C19orf38: variants seen among roughly 807,000 people sequenced by gnomAD.
C19orf38 encodes protein HIDE1.
C19orf38 carries 14 observed loss-of-function variants against 26.6 expected under a neutral mutation model. The ratio of observed to expected loss-of-function variants is 0.53; its 90% confidence interval spans 0.35 to 0.82. C19orf38 has a LOEUF of 0.82. Among genes scored for constraint, C19orf38 ranks in the 40% least tolerant of loss-of-function variants. The pLI is 0.01. For missense variants in C19orf38, 261 were observed against 299.5 expected (o/e 0.87, Z 0.95); for synonymous variants, 132 against 128.5 (o/e 1.03, Z -0.18).
At chr19:10,854,742 G>A (rs1459133937) in intron 2 of C19orf38, among the ~76,000 whole-genome samples, 1 of 152,118 alleles carries the variant, frequency 6.6e-6, no homozygotes, top group Non-Finnish European at 1.5e-5. Context: ...TAGCTTCTGG[G>A]TGGATCTCAG....
chr19:10,838,279 G>A (rs1408341164), intron 1 of C19orf38, among the ~76,000 whole-genome samples: 3 of 152,142 alleles, frequency 2.0e-5, no homozygotes, highest in Non-Finnish European at 2.9e-5. Flanking sequence ...GCGTGGTGGC[G>A]GGTGCCTGTA....
chr19:10,862,209 T>G (rs914035194), intron 5 of C19orf38, among the ~76,000 whole-genome samples: 3 of 147,902 alleles, frequency 2.0e-5, no homozygotes, highest in African/African-American at 5.0e-5. Context: ...CTGTTTTTTT[T>G]TTTTTTTTTT....
At chr19:10,842,385 C>G in intron 1 of C19orf38, 1 of 521,928 alleles carries the variant, frequency 1.9e-6, no homozygotes, top group Admixed American at 3.2e-5. Flanking sequence ...CTCAGCCTCC[C>G]GAGTAGCTGG....
rs377656898 is a variant in C19orf38 at position 10,853,263 on chromosome 19, C to G, written c.340+2696C>G. On this transcript the variant is annotated intron_variant, in intron 2 of 6. Transcript: ENST00000397820. ...TTTTTTGTAAAGACAGGGACTCACT[C>G]TGTCGCCCAGGCTGGAGTGCAGTGG... is the stretch of plus-strand genomic sequence containing the variant. 2.8e-3 allele frequency among the ~76,000 whole-genome samples: 432 copies of G among 151,822 alleles called. 2 individuals carry two copies. The highest frequency in any genetic ancestry group is 0.019 in the South Asian group (93 of 4,802).
intron 6 of C19orf38, among the ~76,000 whole-genome samples, chr19:10,865,817 G>A (rs1038469170): frequency 6.6e-6 from 1 of 151,562 alleles, no homozygotes; most frequent in Non-Finnish European, 1.5e-5. Flanking sequence ...CACCACCCCC[G>A]CCAATTTTTT....
chr19:10,843,644 A>G (rs1568331874), upstream of C19orf38, among the ~76,000 whole-genome samples: 1 of 152,086 alleles, frequency 6.6e-6, no homozygotes, highest in Non-Finnish European at 1.5e-5. Flanking sequence ...TCTTAACTCC[A>G]TCTCCTGTAC....
At chr19:10,861,990 C>T (rs1167341704) in intron 5 of C19orf38, among the ~76,000 whole-genome samples, 8 of 152,044 alleles carry the variant, frequency 5.3e-5, no homozygotes, top group African/African-American at 1.9e-4. Context: ...GCTCTGCCTC[C>T]TGGGTTCAAG....
upstream of C19orf38, chr19:10,848,285 A>C (rs903049637): frequency 3.8e-6 from 2 of 528,918 alleles, no homozygotes; most frequent in Non-Finnish European, 6.9e-6. Flanking sequence ...CCGCAACCAG[A>C]GAGGTGCGCG....
At chr19:10,860,010 A>C in intron 5 of C19orf38, 52 bp downstream of exon 5, 1 of 1,501,166 alleles carries the variant, frequency 6.7e-7, no homozygotes, top group East Asian at 2.5e-5. Context: ...ACACCTCCAA[A>C]TGCCATCAGG....
intron 4 of C19orf38, among the ~76,000 whole-genome samples, chr19:10,859,378 ATATATATTT>A (rs1568337676): frequency 2.2e-4 from 8 of 35,740 alleles, no homozygotes; most frequent in East Asian, 1.7e-3. Flanking sequence ...ATATATATAT[ATATATATTT>A]TTTTTTTTTT....
Position 10,848,501 on chromosome 19 carries a change from A to G in C19orf38, c.-8A>G. The G allele has an allele frequency of 6.4e-7, 1 of 1,551,388 alleles. No homozygotes were observed. Among genetic ancestry groups the G allele is most frequent in the Non-Finnish European group, 8.7e-7 (1 of 1,146,748 alleles). ...TCAGCCGGATTTCCCAGCCAAACGC[A>G]GAGAGAGATGCCCTGGACCATCTTG... On this transcript the variant is annotated 5_prime_UTR_variant, in exon 1 of 7. Transcript: ENST00000397820.
At chr19:10,863,263 CG>C (rs1286053070) in intron 6 of C19orf38, 56 bp downstream of exon 6, 5 of 1,526,292 alleles carry the variant, frequency 3.3e-6, no homozygotes, top group Non-Finnish European at 3.6e-6. Context: ...ACCGGGAGAA[CG>C]GGGCGGGCTC....
chr19:10,862,200 TG>T (rs980747059), intron 5 of C19orf38, among the ~76,000 whole-genome samples: 1 of 147,410 alleles, frequency 6.8e-6, no homozygotes, highest in African/African-American at 2.5e-5. Flanking sequence ...GCGCCCAGCC[TG>T]TTTTTTTTTT....
chr19:10,851,713 A>C (rs961276301), intron 2 of C19orf38, among the ~76,000 whole-genome samples: 1 of 152,004 alleles, frequency 6.6e-6, no homozygotes, highest in Non-Finnish European at 1.5e-5. Flanking sequence ...TCACGCCTGT[A>C]ATCCCAGCAC....
At chr19:10,842,730 C>G (rs560048715) in intron 1 of C19orf38, among the ~76,000 whole-genome samples, 1 of 151,864 alleles carries the variant, frequency 6.6e-6, no homozygotes, top group Non-Finnish European at 1.5e-5. Flanking sequence ...GAGAGAGACC[C>G]TGTCTCAAAA....
chr19:10,851,435 T>C (rs1289182390), intron 2 of C19orf38, among the ~76,000 whole-genome samples: 4 of 150,382 alleles, frequency 2.7e-5, no homozygotes, highest in South Asian at 2.1e-4. Context: ...CCAATTCCTA[T>C]CCTCAAGTGA....
chr19:10,859,348 G>GTGTATATA (rs1218237019), intron 4 of C19orf38, among the ~76,000 whole-genome samples: 3 of 55,942 alleles, frequency 5.4e-5, no homozygotes, highest in Non-Finnish European at 9.1e-5. Context: ...GTGTGTGTGT[G>GTGTATATA]TATATATATA....
chr19:10,861,079 G>GT (rs900412277), intron 5 of C19orf38, among the ~76,000 whole-genome samples: 3 of 151,288 alleles, frequency 2.0e-5, no homozygotes, highest in Non-Finnish European at 4.4e-5. Context: ...GGAGGCAGAG[G>GT]TTGCAGTGAG....
upstream of C19orf38, among the ~76,000 whole-genome samples, chr19:10,843,697 T>A (rs1283021354): frequency 6.6e-6 from 1 of 152,210 alleles, no homozygotes; most frequent in East Asian, 1.9e-4. Flanking sequence ...GGATGTTTTT[T>A]TTCGCTGTCA....
Sources: gnomAD v4.1 joint callset for allele counts (sites outside exome capture counted in the v4.1 genomes callset) on GRCh38, gnomAD v4.1.1 for gene constraint, MANE v1.5 for transcripts, NCBI Gene and HGNC (gene_info 2026-07-23, HGNC 2026-07-21) for gene names.